The following THYN1 variants were observed in gnomAD, a reference collection of about 807,000 sequenced individuals.
THYN1 encodes the protein thymocyte protein thy28.
In THYN1, 32 loss-of-function variants were observed where a neutral mutation model predicts 30.6. The observed-to-expected ratio is 1.05, with a 90% CI of 0.79 to 1.40. The LOEUF is 1.40. THYN1 is among the 40% of genes most tolerant of loss of function. The pLI, the probability that THYN1 is intolerant of heterozygous loss-of-function variation, is 0.00. For synonymous variants in THYN1, 107 were observed against 90.8 expected (o/e 1.18, Z -1.01); for missense variants, 259 against 272.6 (o/e 0.95, Z 0.35).
chr11:134,249,362 T>A, intron 4 of THYN1, 100 bp from the exon 5 acceptor site: 3 of 1,193,652 alleles, frequency 2.5e-6, no homozygotes, highest in South Asian at 1.2e-5. Context: ...TGCACATTCT[T>A]AACCCATCTG....
At position 134,253,027 on chromosome 11, in the gene THYN1, C is replaced by T; in HGVS notation, c.-145G>A. 7.0e-7 allele frequency: 1 copy of T among 1,429,244 alleles called. No individual in the cohort carries two copies. Among genetic ancestry groups the T allele is most frequent in the Non-Finnish European group, 9.1e-7 (1 of 1,097,602 alleles). 88.5% of individuals were successfully genotyped at this position (1,429,244 alleles called of 1,614,324 possible). A position where few individuals can be genotyped will look rare whatever the true frequency, so the allele number is the denominator to read the frequency against. ...GAACGTCTCCAACTTTTGCGAAACA[C>T]AGACGCCTACGTTTGAGCCCTCAAA... On this transcript the variant is annotated 5_prime_UTR_variant, in exon 1 of 7. It adds an upstream start codon to the 5' untranslated region. Coordinates refer to ENST00000341541, the MANE Select transcript of THYN1 (RefSeq NM_014174.3).
Sources: allele counts gnomAD v4.1 joint callset, GRCh38; gene constraint gnomAD v4.1.1; transcripts MANE v1.5; gene names NCBI Gene and HGNC (gene_info 2026-07-23, HGNC 2026-07-21).